Variants in CAMKMT observed in about 807,000 individuals in gnomAD.
CAMKMT encodes CaM KMT.
Under a neutral mutation model 48.0 loss-of-function variants are expected in CAMKMT, and 53 were observed. The observed-to-expected ratio is 1.10, with a 90% CI of 0.89 to 1.39. The LOEUF (loss-of-function observed/expected upper bound fraction) is 1.39, where lower values mean the gene tolerates loss of function less well. Among genes scored for constraint, CAMKMT ranks in the 40% most tolerant of loss-of-function variants. CAMKMT has a pLI of 0.00. For missense variants in CAMKMT, 428 were observed against 402.7 expected, an observed-to-expected ratio of 1.06 and a Z score of -0.54; for synonymous variants, 165 against 152.3, an observed-to-expected ratio of 1.08 and a Z score of -0.61.
chr2:44,498,137 A>T (rs1669845734), intron 3 of CAMKMT, among the ~76,000 whole-genome samples: 1 of 152,128 alleles, frequency 6.6e-6, no homozygotes, highest in South Asian at 2.1e-4. Flanking sequence ...ATTGAGAGAG[A>T]TCCATCATAG....
At chr2:44,729,613 AGTG>A (rs1430945056) in intron 7 of CAMKMT, among the ~76,000 whole-genome samples, 1 of 152,176 alleles carries the variant, frequency 6.6e-6, no homozygotes, top group African/African-American at 2.4e-5. Flanking sequence ...AAGCAATGGG[AGTG>A]TCCACTCCCA....
intron 9 of CAMKMT, among the ~76,000 whole-genome samples, chr2:44,759,692 G>C (rs146514309): frequency 6.6e-6 from 1 of 152,238 alleles, no homozygotes; most frequent in Non-Finnish European, 1.5e-5. Flanking sequence ...AGCTTATAGA[G>C]AGTCCTCAGA....
intron 3 of CAMKMT, among the ~76,000 whole-genome samples, chr2:44,418,975 C>A (rs1439201785): frequency 6.6e-6 from 1 of 151,888 alleles, no homozygotes. Flanking sequence ...TAAATTTATT[C>A]CTAAATATTG....
intron 3 of CAMKMT, among the ~76,000 whole-genome samples, chr2:44,619,867 C>G (rs1344402243): frequency 6.6e-6 from 1 of 152,168 alleles, no homozygotes; most frequent in Non-Finnish European, 1.5e-5. Context: ...ACATTAGACT[C>G]ATGTTTTCAA....
intron 2 of CAMKMT, among the ~76,000 whole-genome samples, chr2:44,385,595 A>T (rs1047224219): frequency 6.6e-6 from 1 of 152,080 alleles, no homozygotes; most frequent in Non-Finnish European, 1.5e-5. Flanking sequence ...ATTCAGTATT[A>T]TGTTGGCTGT....
chr2:44,631,086 T>A (rs1572956653), intron 3 of CAMKMT, among the ~76,000 whole-genome samples: 1 of 152,246 alleles, frequency 6.6e-6, no homozygotes, highest in East Asian at 1.9e-4. Flanking sequence ...GATGAGTTCA[T>A]GTCCTTTGTA....
intron 3 of CAMKMT, among the ~76,000 whole-genome samples, chr2:44,623,716 A>G (rs920264652): frequency 1.3e-5 from 2 of 152,116 alleles, no homozygotes; most frequent in African/African-American, 4.8e-5. Flanking sequence ...TAATGAATGT[A>G]TATACCAGTG....
chr2:44,754,390 A>T (rs924874461), intron 9 of CAMKMT, among the ~76,000 whole-genome samples: 1 of 152,192 alleles, frequency 6.6e-6, no homozygotes, highest in Non-Finnish European at 1.5e-5. Flanking sequence ...TTATCAAAGA[A>T]TTTCTTGAGT....
intron 3 of CAMKMT, among the ~76,000 whole-genome samples, chr2:44,666,636 G>A (rs1369428417): frequency 7.5e-6 from 1 of 133,782 alleles, no homozygotes; most frequent in African/African-American, 3.4e-5. Flanking sequence ...TTTTGAGACA[G>A]AGTCTGGCTC....
intron 9 of CAMKMT, among the ~76,000 whole-genome samples, chr2:44,759,048 CG>C (rs60120849): frequency 0.024 from 3,653 of 152,306 alleles, 124 homozygotes; most frequent in African/African-American, 0.083. Context: ...TGGCCCTACC[CG>C]ATCACCAGAT....
chr2:44,750,477 A>G (rs1216873731), intron 8 of CAMKMT, among the ~76,000 whole-genome samples: 1 of 152,202 alleles, frequency 6.6e-6, no homozygotes, highest in African/African-American at 2.4e-5. Context: ...GCTTTTTAAA[A>G]AGACATCGTT....
chr2:44,637,212 G>A (rs961127718), intron 3 of CAMKMT, among the ~76,000 whole-genome samples: 4 of 152,166 alleles, frequency 2.6e-5, no homozygotes, highest in African/African-American at 9.7e-5. Context: ...TGTTAGTTCA[G>A]AACATGTTTG....
intron 2 of CAMKMT, among the ~76,000 whole-genome samples, chr2:44,377,730 G>A (rs953170112): frequency 6.6e-6 from 1 of 152,030 alleles, no homozygotes; most frequent in Non-Finnish European, 1.5e-5. Context: ...CTTGACTTTT[G>A]CCTTGTCCTG....
intron 3 of CAMKMT, among the ~76,000 whole-genome samples, chr2:44,428,048 C>T (rs1310775801): frequency 6.6e-6 from 1 of 152,172 alleles, no homozygotes; most frequent in Non-Finnish European, 1.5e-5. Context: ...AAACAATGCT[C>T]TTTTAGCATT....
chr2:44,679,888 A>T (rs909415770), intron 3 of CAMKMT, among the ~76,000 whole-genome samples: 8 of 152,224 alleles, frequency 5.3e-5, no homozygotes, highest in African/African-American at 1.9e-4. Flanking sequence ...GATCTCCGCT[A>T]AGTGGTTAGT....
intron 3 of CAMKMT, among the ~76,000 whole-genome samples, chr2:44,671,349 C>T (rs976297888): frequency 4.6e-5 from 7 of 152,316 alleles, no homozygotes; most frequent in South Asian, 2.1e-4. Flanking sequence ...ATAACAACCT[C>T]AAACATCTTA....
At chr2:44,677,891 A>G (rs116184217) in intron 3 of CAMKMT, among the ~76,000 whole-genome samples, 2,401 of 152,176 alleles carry the variant, frequency 0.016, 30 homozygotes, top group African/African-American at 0.034. Flanking sequence ...GTCAATGTGT[A>G]TGTGTATTTC....
intron 6 of CAMKMT, among the ~76,000 whole-genome samples, chr2:44,708,872 C>G (rs1158906715): frequency 6.6e-6 from 1 of 151,828 alleles, no homozygotes; most frequent in African/African-American, 2.4e-5. Context: ...GCCACAGAAA[C>G]TTTCAGCTTG....
intron 3 of CAMKMT, among the ~76,000 whole-genome samples, chr2:44,674,991 C>T (rs958046411): frequency 6.6e-6 from 1 of 151,654 alleles, no homozygotes; most frequent in Admixed American, 6.6e-5. Context: ...TGGTCTTGAT[C>T]CTTCTCTCTA....
Sources: allele counts gnomAD v4.1 joint callset (sites outside exome capture counted in the v4.1 genomes callset), GRCh38; gene constraint gnomAD v4.1.1; transcripts MANE v1.5; gene names NCBI Gene and HGNC (gene_info 2026-07-23, HGNC 2026-07-21).